Variants in CDH13 observed in about 807,000 individuals in gnomAD.
CDH13 encodes cadherin-13.
Under a neutral mutation model 63.8 loss-of-function variants are expected in CDH13, and 24 were observed. That is an observed-to-expected ratio of 0.38 (90% CI 0.27 to 0.53). CDH13 has a LOEUF of 0.53. Among genes scored for constraint, CDH13 ranks in the 20% least tolerant of loss-of-function variants. The pLI, the probability that CDH13 is intolerant of heterozygous loss-of-function variation, is 0.85. For missense variants in CDH13, 1,049 were observed against 903.1 expected (o/e 1.16, Z -2.07); for synonymous variants, 503 against 355.3 (o/e 1.42, Z -4.67).
At chr16:82,907,327 C>G (rs1002650202) in intron 2 of CDH13, among the ~76,000 whole-genome samples, 1 of 152,074 alleles carries the variant, frequency 6.6e-6, no homozygotes, top group Non-Finnish European at 1.5e-5. Flanking sequence ...ACTAGGCTCC[C>G]GGAAGACTTC....
intron 8 of CDH13, among the ~76,000 whole-genome samples, chr16:83,670,058 A>G (rs941569829): frequency 6.6e-6 from 1 of 152,224 alleles, no homozygotes; most frequent in African/African-American, 2.4e-5. Context: ...ATGTATTACA[A>G]TAGAAACACA....
intron 1 of CDH13, among the ~76,000 whole-genome samples, chr16:82,714,802 C>T (rs1332483369): frequency 1.1e-4 from 15 of 139,656 alleles, no homozygotes. Context: ...GACGCAGCTA[C>T]AATTCAAGGG....
intron 6 of CDH13, among the ~76,000 whole-genome samples, chr16:83,365,447 A>C (rs1010157958): frequency 3.9e-5 from 6 of 152,212 alleles, no homozygotes; most frequent in Non-Finnish European, 8.8e-5. Flanking sequence ...AGAGTTGCCC[A>C]AGTACCTGGT....
intron 7 of CDH13, among the ~76,000 whole-genome samples, chr16:83,537,508 G>A (rs1169514801): frequency 6.6e-6 from 1 of 152,170 alleles, no homozygotes; most frequent in Non-Finnish European, 1.5e-5. Context: ...ATTGGAATAT[G>A]AGGGAGATAG....
intron 7 of CDH13, among the ~76,000 whole-genome samples, chr16:83,502,825 T>C (rs1272579691): frequency 6.6e-6 from 1 of 152,134 alleles, no homozygotes; most frequent in Non-Finnish European, 1.5e-5. Context: ...ACAGGAGTGT[T>C]CTAACAGAGG....
intron 1 of CDH13, among the ~76,000 whole-genome samples, chr16:82,753,399 G>A (rs902355210): frequency 2.0e-5 from 3 of 151,998 alleles, no homozygotes; most frequent in South Asian, 2.1e-4. Context: ...CCCTAACTGG[G>A]GGCTTTCTAC....
At chr16:82,786,751 G>A (rs571001923) in intron 1 of CDH13, among the ~76,000 whole-genome samples, 12 of 148,790 alleles carry the variant, frequency 8.1e-5, no homozygotes, top group South Asian at 4.2e-4. Context: ...GAGAACATGC[G>A]GTGTTTGGTT....
At chr16:83,176,932 A>G (rs569151518) in intron 4 of CDH13, among the ~76,000 whole-genome samples, 21 of 152,224 alleles carry the variant, frequency 1.4e-4, no homozygotes, top group Admixed American at 1.2e-3. Flanking sequence ...TATGAGCAGG[A>G]GAATGTCACC....
chr16:83,737,849 G>C (rs1911683773), intron 10 of CDH13, among the ~76,000 whole-genome samples: 1 of 152,170 alleles, frequency 6.6e-6, no homozygotes, highest in Non-Finnish European at 1.5e-5. Flanking sequence ...ATCCACATTG[G>C]AACCACACTT....
intron 5 of CDH13, among the ~76,000 whole-genome samples, chr16:83,340,517 C>T (rs779015015): frequency 4.6e-5 from 7 of 152,178 alleles, no homozygotes; most frequent in Non-Finnish European, 8.8e-5. Flanking sequence ...TCCCAAATTC[C>T]ACAAGACCCT....
intron 6 of CDH13, among the ~76,000 whole-genome samples, chr16:83,373,268 A>C (rs1264599491): frequency 6.6e-6 from 1 of 152,198 alleles, no homozygotes; most frequent in Non-Finnish European, 1.5e-5. Context: ...GGGGAATTGC[A>C]AAGGATAGGA....
At chr16:83,017,914 T>C (rs868625404) in intron 2 of CDH13, among the ~76,000 whole-genome samples, 1 of 152,224 alleles carries the variant, frequency 6.6e-6, no homozygotes, top group South Asian at 2.1e-4. Flanking sequence ...AGTTTTGATA[T>C]GCAGTAGTCA....
At chr16:82,641,073 A>G (rs1285870501) in intron 1 of CDH13, among the ~76,000 whole-genome samples, 1 of 152,196 alleles carries the variant, frequency 6.6e-6, no homozygotes, top group Non-Finnish European at 1.5e-5. Flanking sequence ...TGAATGTGTC[A>G]TTGAGGTGGT....
intron 1 of CDH13, among the ~76,000 whole-genome samples, chr16:82,762,037 A>C (rs1276056345): frequency 6.6e-6 from 1 of 152,228 alleles, no homozygotes; most frequent in Non-Finnish European, 1.5e-5. Flanking sequence ...TTTTTTACAG[A>C]CTGTGTCAAG....
At chr16:83,381,513 C>G (rs1281205440) in intron 6 of CDH13, among the ~76,000 whole-genome samples, 2 of 151,972 alleles carry the variant, frequency 1.3e-5, no homozygotes, top group African/African-American at 2.4e-5. Context: ...TCTTCTGGAT[C>G]TCAAGTCTTG....
At chr16:83,473,263 A>T (rs1196779894) in intron 6 of CDH13, among the ~76,000 whole-genome samples, 5 of 152,206 alleles carry the variant, frequency 3.3e-5, no homozygotes, top group African/African-American at 4.8e-5. Flanking sequence ...CAGCCATGAA[A>T]CAACAGCTTG....
intron 1 of CDH13, among the ~76,000 whole-genome samples, chr16:82,645,006 T>G (rs1404725404): frequency 6.6e-6 from 1 of 152,166 alleles, no homozygotes; most frequent in African/African-American, 2.4e-5. Flanking sequence ...TTTTCACAAA[T>G]GAAAGTCTCT....
rs150335918 is a variant in CDH13 at position 83,036,428 on chromosome 16, G to C, written c.366+4210G>C. Among the ~76,000 whole-genome samples the C allele has an allele frequency of 9.6e-4, 146 of 152,130 alleles. 1 individual carries two copies. Among genetic ancestry groups the C allele is most frequent in the African/African-American group, 3.4e-3 (141 of 41,514 alleles). On this transcript the variant is annotated intron_variant, in intron 3 of 13. Coordinates refer to ENST00000567109, the MANE Select transcript of CDH13 (RefSeq NM_001257.5). ...GCCTCCCAAAGTGCTGGGATTATAG[G>C]TGTGAGCCGCAGTGCCCAACCTGGA...
At chr16:82,661,323 G>T (rs1187686839) in intron 1 of CDH13, among the ~76,000 whole-genome samples, 1 of 152,198 alleles carries the variant, frequency 6.6e-6, no homozygotes, top group Admixed American at 6.5e-5. Flanking sequence ...CCCTATTTAT[G>T]CTTTTCCTAG....
Sources: gnomAD v4.1 joint callset for allele counts (sites outside exome capture counted in the v4.1 genomes callset) on GRCh38, gnomAD v4.1.1 for gene constraint, MANE v1.5 for transcripts, NCBI Gene and HGNC (gene_info 2026-07-23, HGNC 2026-07-21) for gene names.